AP3M2: variants seen among roughly 807,000 people sequenced by gnomAD.
AP3M2 encodes adaptor related protein complex 3 subunit mu 2, also known as AP-3 complex subunit mu-2.
Under a neutral mutation model 41.6 loss-of-function variants are expected in AP3M2, and 28 were observed. The ratio of observed to expected loss-of-function variants is 0.67; its 90% CI spans 0.50 to 0.92. The LOEUF (loss-of-function observed/expected upper bound fraction) is 0.92. Ranked by LOEUF, AP3M2 falls within the 40% of genes least tolerant of loss-of-function variation. The pLI, the probability that AP3M2 is intolerant of heterozygous loss-of-function variation, is 0.00. For missense variants in AP3M2, 427 were observed against 521.4 expected, an observed-to-expected ratio of 0.82 and a Z score of 1.76; for synonymous variants, 193 against 186.4, an observed-to-expected ratio of 1.04 and a Z score of -0.29.
At position 42,154,912 on chromosome 8, in the gene AP3M2, C is replaced by T; in HGVS notation, c.225C>T (p.Pro75=). The change falls in exon 2 of 9, where the codon CCC becomes CCT. Residue 75 remains proline (P), a synonymous_variant. Transcript: ENST00000396926. The stretch of plus-strand genomic sequence containing the variant: ...TGGCCGTGATCCAGACGGAGGTCCC[C>T]CCTCTGTTTGTCATTGAGTTTCTTC... ...FFVAVIQTEV[P]PLFVIEFLHR... 1 of 1,614,132 alleles carries T rather than the reference C, an allele frequency of 6.2e-7. No homozygotes were observed. The highest frequency in any genetic ancestry group is 1.3e-5 in the African/African-American group (1 of 75,026).
Position 42,167,180 on chromosome 8 carries a change from G to A in AP3M2, c.820G>A (p.Val274Met), listed in dbSNP as rs770378209. The part of the protein sequence containing the change: ...VSAQNLVAIP[V>M]YVKHNISFRD... ...CATTTCCAGTCTGGTTGCAATCCCA[G>A]TGTATGTCAAACATAACATCAGTTT... Residue 274 changes from valine (V) to methionine (M), a missense_variant, in exon 7 of 9, where the codon GTG becomes ATG. This residue lies in a region of AP3M2 where 237 missense variants were observed against 284.9 expected (regional missense o/e 0.83). Transcript: ENST00000396926. 1.2e-6 allele frequency: 2 copies of A among 1,614,158 alleles called. No homozygotes were observed. The highest frequency in any genetic ancestry group is 1.7e-6 in the Non-Finnish European group (2 of 1,180,024).
chr8:42,157,087 GAC>G (rs1398661945), intron 2 of AP3M2, among the ~76,000 whole-genome samples: 2 of 152,174 alleles, frequency 1.3e-5, no homozygotes, highest in African/African-American at 2.4e-5. Flanking sequence ...TCCTGGAAAA[GAC>G]ATACTGACAT....
chr8:42,154,527 T>G, intron 1 of AP3M2, 89 bp from the exon 2 acceptor site: 1 of 1,060,312 alleles, frequency 9.4e-7, no homozygotes, highest in South Asian at 1.7e-5. Context: ...GGCCTGGTCT[T>G]GAAAGATGGG....
chr8:42,162,566 G>A, intron 4 of AP3M2, 148 bp downstream of exon 4: 2 of 828,568 alleles, frequency 2.4e-6, no homozygotes, highest in East Asian at 2.7e-5. Flanking sequence ...CTGGGTACTG[G>A]GAATGGACGT....
intron 2 of AP3M2, chr8:42,156,072 G>GAT: frequency 2.2e-6 from 1 of 453,532 alleles, no homozygotes; most frequent in Non-Finnish European, 4.4e-6. Context: ...GGAAGAACTA[G>GAT]AAGAACCCAG....
chr8:42,155,005 C>G, intron 2 of AP3M2, 45 bp downstream of exon 2: 1 of 1,492,768 alleles, frequency 6.7e-7, no homozygotes, highest in Non-Finnish European at 9.3e-7. Context: ...CGTAAAGTGT[C>G]TTTGTAGTCC....
chr8:42,156,410 T>C (rs927198532), intron 2 of AP3M2, among the ~76,000 whole-genome samples: 1 of 152,170 alleles, frequency 6.6e-6, no homozygotes, highest in African/African-American at 2.4e-5. Flanking sequence ...CAGCATGATT[T>C]TTCCAGGACC....
intron 3 of AP3M2, among the ~76,000 whole-genome samples, chr8:42,159,988 T>C (rs1228085382): frequency 6.6e-6 from 1 of 150,820 alleles, no homozygotes; most frequent in Non-Finnish European, 1.5e-5. Flanking sequence ...GTTTTGAAAA[T>C]AATATTTTTA....
At chr8:42,164,575 G>A (rs1804589121) in intron 4 of AP3M2, among the ~76,000 whole-genome samples, 1 of 152,190 alleles carries the variant, frequency 6.6e-6, no homozygotes, top group Non-Finnish European at 1.5e-5. Flanking sequence ...ACCAGGAGAG[G>A]TTAGGAGGGA....
chr8:42,165,888 C>T (rs1046638836), intron 6 of AP3M2: 4 of 212,450 alleles, frequency 1.9e-5, no homozygotes, highest in Non-Finnish European at 2.8e-5. Flanking sequence ...AAATCAGAAT[C>T]TGGGCATACT....
intron 1 of AP3M2, chr8:42,153,768 T>A (rs976213864): frequency 4.6e-5 from 7 of 152,074 alleles, no homozygotes; most frequent in African/African-American, 1.7e-4. Context: ...CCCTAAGTAC[T>A]GGGATCACAG....
intron 8 of AP3M2, chr8:42,168,273 G>A (rs138409245): frequency 3.4e-4 from 156 of 455,970 alleles, no homozygotes; most frequent in African/African-American, 2.7e-3. Flanking sequence ...AGTCTGTGCC[G>A]ACCTTAGCAC....
At chr8:42,157,413 G>A (rs891104005) in intron 2 of AP3M2, among the ~76,000 whole-genome samples, 1 of 152,184 alleles carries the variant, frequency 6.6e-6, no homozygotes, top group Non-Finnish European at 1.5e-5. Context: ...TTAAATAAAA[G>A]GACAAAGAGT....
chr8:42,162,897 G>T (rs557637349), intron 4 of AP3M2, among the ~76,000 whole-genome samples: 1 of 121,034 alleles, frequency 8.3e-6, no homozygotes, highest in African/African-American at 3.3e-5. Flanking sequence ...AGTAAGCCCT[G>T]ATCATGACAC....
Position 42,170,681 on chromosome 8 carries a change from T to C in AP3M2, c.*1620T>C, listed in dbSNP as rs139767868. The C allele has an allele frequency of 2.6e-5, 4 of 152,364 alleles. No individual in the cohort carries two copies. In the East Asian group the frequency reaches 7.7e-4, roughly 29 times the overall value. The allele number at this position is 152,364 out of a possible 1,614,324, so 9.4% of individuals were successfully genotyped here. A position where few individuals can be genotyped will look rare whatever the true frequency, so the allele number is the denominator to read the frequency against. ...GTTGCTTTGTGATTTTCCTCTGGGA[T>C]AGTGTACTGTACACAACCAGATGTG... On this transcript the variant is annotated 3_prime_UTR_variant, in exon 9 of 9. Coordinates refer to ENST00000396926, the MANE Select transcript of AP3M2 (RefSeq NM_006803.4).
intron 3 of AP3M2, among the ~76,000 whole-genome samples, chr8:42,160,792 C>G (rs1333168837): frequency 6.6e-6 from 1 of 152,176 alleles, no homozygotes; most frequent in African/African-American, 2.4e-5. Context: ...GCTTTCCTGC[C>G]TTTTCCCTAG....
At chr8:42,161,034 T>C (rs970675430) in intron 3 of AP3M2, among the ~76,000 whole-genome samples, 23 of 152,294 alleles carry the variant, frequency 1.5e-4, no homozygotes, top group African/African-American at 5.3e-4. Context: ...GCCTGACATA[T>C]TGGCTCATGC....
intron 2 of AP3M2, 62 bp from the exon 3 acceptor site, chr8:42,157,879 T>G: frequency 6.9e-7 from 1 of 1,446,518 alleles, no homozygotes; most frequent in Non-Finnish European, 9.5e-7. Flanking sequence ...GGCACATTCT[T>G]TTATTTATTT....
chr8:42,159,004 A>C (rs111638747), intron 3 of AP3M2, among the ~76,000 whole-genome samples: 3 of 152,084 alleles, frequency 2.0e-5, no homozygotes, highest in Non-Finnish European at 2.9e-5. Context: ...CATGTTGACT[A>C]TGCTGGTCTC....
Sources: gnomAD v4.1 joint callset for allele counts (sites outside exome capture counted in the v4.1 genomes callset) on GRCh38, gnomAD v4.1.1 for gene constraint, gnomAD v4.1.1 regional missense constraint, MANE v1.5 for transcripts, NCBI Gene and HGNC (gene_info 2026-07-23, HGNC 2026-07-21) for gene names.